The following FAM120A variants were observed in gnomAD, a reference collection of about 807,000 sequenced individuals.
FAM120A encodes constitutive coactivator of PPAR-gamma-like protein 1.
FAM120A carries 15 observed loss-of-function variants against 109.7 expected under a neutral mutation model. The ratio of observed to expected loss-of-function variants is 0.14; its 90% CI spans 0.09 to 0.21. The LOEUF (loss-of-function observed/expected upper bound fraction) is 0.21. FAM120A is among the 10% of genes least tolerant of loss of function. FAM120A has a pLI of 1.00. For missense variants in FAM120A, 899 were observed against 1,439.3 expected (o/e 0.62, Z 6.07); for synonymous variants, 493 against 572.8 (o/e 0.86, Z 1.99).
At chr9:93,536,608 C>T (rs1277929165) in intron 10 of FAM120A, among the ~76,000 whole-genome samples, 1 of 152,108 alleles carries the variant, frequency 6.6e-6, no homozygotes, top group Non-Finnish European at 1.5e-5. Context: ...CATTTGGAAA[C>T]CTAGTCAGTG....
intron 3 of FAM120A, among the ~76,000 whole-genome samples, chr9:93,482,227 G>A (rs188379378): frequency 8.5e-4 from 105 of 124,076 alleles, no homozygotes; most frequent in Admixed American, 3.6e-3. Context: ...TTGCTCCCTT[G>A]CCCAGGTTGG....
At chr9:93,501,164 G>A (rs1405791647) in intron 5 of FAM120A, among the ~76,000 whole-genome samples, 1 of 152,214 alleles carries the variant, frequency 6.6e-6, no homozygotes, top group African/African-American at 2.4e-5. Flanking sequence ...TTGTGCTCCT[G>A]TGGGACAGTC....
intron 1 of FAM120A, among the ~76,000 whole-genome samples, chr9:93,470,677 T>A (rs892433588): frequency 2.6e-5 from 4 of 152,222 alleles, no homozygotes; most frequent in Non-Finnish European, 5.9e-5. Flanking sequence ...TTTTATTTTT[T>A]AAATTCTGAT....
In FAM120A at chr9:93,516,293, G is replaced by A. The variant is rs202133201; in HGVS notation, c.1418+24G>A. The A allele has an allele frequency of 0.022, 34,443 of 1,599,196 alleles. 492 individuals are homozygous for A. The highest frequency in any genetic ancestry group is 0.07 in the African/African-American group (5,244 of 74,624). On this transcript the variant is annotated intron_variant, in intron 7 of 17. Coordinates refer to ENST00000277165, the MANE Select transcript of FAM120A (RefSeq NM_014612.5). ...AAGTGAGTGGTGCGTGGGTCGCTGG[G>A]TGCTTCCTGGCGGGTAGTGACCTGG...
Position 93,550,554 on chromosome 9 carries a change from C to G in FAM120A, c.2160-23C>G, listed in dbSNP as rs771705964. 1.3e-6 allele frequency: 2 copies of G among 1,598,254 alleles called. 1 individual carries two copies. Among genetic ancestry groups the G allele is most frequent in the South Asian group, 2.2e-5 (2 of 90,810 alleles). Reference sequence around the variant, plus strand: ...GGGCGACCACTCAGTAATCACCAACCTTTTGTTTCTGCCCCTCACCAGGTA... The same window carrying G: ...GGGCGACCACTCAGTAATCACCAACGTTTTGTTTCTGCCCCTCACCAGGTA... On this transcript the variant is annotated intron_variant, in intron 11 of 17. Coordinates refer to ENST00000277165, the MANE Select transcript of FAM120A (RefSeq NM_014612.5).
At chr9:93,460,756 A>T (rs558416096) in intron 1 of FAM120A, among the ~76,000 whole-genome samples, 20 of 152,226 alleles carry the variant, frequency 1.3e-4, no homozygotes, top group Non-Finnish European at 2.9e-4. Context: ...TGATAAATGG[A>T]TATGAATCAC....
At chr9:93,472,186 G>T (rs111655660) in intron 2 of FAM120A, among the ~76,000 whole-genome samples, 27,699 of 151,818 alleles carry the variant, frequency 0.18, 3,188 homozygotes, top group African/African-American at 0.33. Flanking sequence ...CTTGAACCAG[G>T]GAGGTGGAGG....
At chr9:93,488,387 C>T (rs559723652) in intron 3 of FAM120A, among the ~76,000 whole-genome samples, 168 of 152,014 alleles carry the variant, frequency 1.1e-3, no homozygotes, top group Non-Finnish European at 1.6e-3. Flanking sequence ...CTCTCCTCAC[C>T]GGGGCCCTCC....
intron 7 of FAM120A, among the ~76,000 whole-genome samples, chr9:93,518,013 G>A (rs1384128218): frequency 1.3e-5 from 2 of 152,174 alleles, no homozygotes; most frequent in African/African-American, 4.8e-5. Context: ...CATCTTTACT[G>A]TTTTCTGGAG....
At chr9:93,543,125 A>C in intron 10 of FAM120A, 97 bp from the exon 11 acceptor site, 1 of 1,463,526 alleles carries the variant, frequency 6.8e-7, no homozygotes, top group South Asian at 1.3e-5. Context: ...TGAGAGGCGA[A>C]TCTTTAGACC....
intron 5 of FAM120A, among the ~76,000 whole-genome samples, chr9:93,509,399 T>G (rs370199828): frequency 6.6e-6 from 1 of 152,220 alleles, no homozygotes; most frequent in Admixed American, 6.5e-5. Flanking sequence ...TGGGGCCCAT[T>G]ATAGAAGCTG....
At chr9:93,510,233 G>C (rs1257523604) in intron 5 of FAM120A, among the ~76,000 whole-genome samples, 5 of 152,184 alleles carry the variant, frequency 3.3e-5, no homozygotes, top group Non-Finnish European at 2.9e-5. Context: ...TGAGTTTGTG[G>C]TAGTTAGTGT....
chr9:93,523,548 C>T (rs1014671698), intron 7 of FAM120A, among the ~76,000 whole-genome samples: 9 of 152,112 alleles, frequency 5.9e-5, no homozygotes, highest in African/African-American at 2.2e-4. Context: ...TAATTGTGAT[C>T]TATATCATTA....
intron 3 of FAM120A, among the ~76,000 whole-genome samples, chr9:93,477,829 A>G (rs1017643174): frequency 1.3e-5 from 2 of 152,258 alleles, no homozygotes; most frequent in African/African-American, 4.8e-5. Context: ...AACCAGCTCA[A>G]TCTATTGCCA....
At chr9:93,465,139 G>A (rs1246328922) in intron 1 of FAM120A, among the ~76,000 whole-genome samples, 14 of 152,142 alleles carry the variant, frequency 9.2e-5, no homozygotes, top group Non-Finnish European at 4.4e-5. Context: ...AGTACTTAAC[G>A]TTTATTCTTA....
chr9:93,562,663 T>C (rs1027826639), intron 17 of FAM120A, among the ~76,000 whole-genome samples: 4 of 149,848 alleles, frequency 2.7e-5, no homozygotes, highest in African/African-American at 1.0e-4. Flanking sequence ...TTCTTTCTTT[T>C]TCTTTTTTTT....
Position 93,527,287 on chromosome 9 carries a change from G to A in FAM120A, c.1506+45G>A, listed in dbSNP as rs762138845. The A allele has an allele frequency of 5.9e-6, 8 of 1,346,176 alleles. 1 individual carries two copies. In the South Asian group the frequency reaches 7.0e-5, roughly 12 times the overall value. The allele number at this position is 1,346,176 out of a possible 1,614,324, so 83.4% of individuals were successfully genotyped here. ...TAGTTTTTGAGTTCTGACTCATTTTGTATTAGCACACTGTATTAGTGATCA... is the reference window on the plus strand; with the variant it reads ...TAGTTTTTGAGTTCTGACTCATTTTATATTAGCACACTGTATTAGTGATCA... On this transcript the variant is annotated intron_variant, in intron 8 of 17. Coordinates refer to ENST00000277165, the MANE Select transcript of FAM120A (RefSeq NM_014612.5).
chr9:93,469,722 T>G (rs921667892), intron 1 of FAM120A, among the ~76,000 whole-genome samples: 4 of 152,218 alleles, frequency 2.6e-5, no homozygotes, highest in Non-Finnish European at 2.9e-5. Flanking sequence ...TTTGACTGAT[T>G]GGATGTTGTT....
chr9:93,558,097 T>A, intron 14 of FAM120A, 87 bp downstream of exon 14: 1 of 1,318,546 alleles, frequency 7.6e-7, no homozygotes, highest in Non-Finnish European at 1.0e-6. Context: ...GCCCATCTGC[T>A]GTGTTGACCT....
Sources: gnomAD v4.1 joint callset for allele counts (sites outside exome capture counted in the v4.1 genomes callset) on GRCh38, gnomAD v4.1.1 for gene constraint, MANE v1.5 for transcripts, NCBI Gene and HGNC (gene_info 2026-07-23, HGNC 2026-07-21) for gene names.